Variants in NFATC2IP observed in about 807,000 individuals in gnomAD.
The protein encoded by NFATC2IP is NFATC2-interacting protein.
NFATC2IP carries 25 observed loss-of-function variants against 40.2 expected under a neutral mutation model. The observed-to-expected ratio is 0.62, with a 90% CI of 0.45 to 0.87. NFATC2IP has a LOEUF of 0.87. NFATC2IP is among the 40% of genes least tolerant of loss of function. The pLI is 0.00. For missense variants in NFATC2IP, 553 were observed against 555.6 expected, an observed-to-expected ratio of 1.00 and a Z score of 0.05; for synonymous variants, 241 against 236.3, an observed-to-expected ratio of 1.02 and a Z score of -0.18.
In NFATC2IP at chr16:28,965,520, C is replaced by T. The variant is rs2141651373; in HGVS notation, c.*1657C>T. 6.6e-6 allele frequency: 1 copy of T among 152,258 alleles called. No individual in the cohort carries two copies. The highest frequency in any genetic ancestry group is 6.6e-5 in the Admixed American group (1 of 15,258). 9.4% of individuals were successfully genotyped at this position (152,258 alleles called of 1,614,324 possible). A position where few individuals can be genotyped will look rare whatever the true frequency, so the allele number is the denominator to read the frequency against. Reference sequence around the variant, plus strand: ...CCCTCCTGGCCAACATGGTGAAACCCCGTCTCTACTAAAATACAAAAAATT... The same window carrying T: ...CCCTCCTGGCCAACATGGTGAAACCTCGTCTCTACTAAAATACAAAAAATT... On this transcript the variant is annotated 3_prime_UTR_variant, in exon 8 of 8. Transcript: ENST00000320805.
intron 7 of NFATC2IP, 55 bp from the exon 8 acceptor site, chr16:28,963,650 G>A (rs999701523): frequency 3.9e-6 from 6 of 1,546,296 alleles, no homozygotes; most frequent in African/African-American, 2.7e-5. Context: ...CTATCCCTAC[G>A]GGATCCCCGC....
chr16:28,961,899 CAAAA>C (rs1161300546), intron 7 of NFATC2IP, among the ~76,000 whole-genome samples: 762 of 49,110 alleles, frequency 0.016, 10 homozygotes, highest in African/African-American at 0.039. Flanking sequence ...GACTTCGTCT[CAAAA>C]AAAAAAAAAA....
intron 3 of NFATC2IP, among the ~76,000 whole-genome samples, chr16:28,955,116 C>T (rs1363503321): frequency 6.6e-6 from 1 of 152,084 alleles, no homozygotes; most frequent in East Asian, 1.9e-4. Flanking sequence ...ATCGCTTGAT[C>T]CCAGGAGTTA....
chr16:28,963,636 TC>T, intron 7 of NFATC2IP, 68 bp from the exon 8 acceptor site: 1 of 1,424,962 alleles, frequency 7.0e-7, no homozygotes, highest in Non-Finnish European at 9.8e-7. Context: ...CCCAAGTTCC[TC>T]GTCTATCCCT....
chr16:28,951,108 C>T lies in NFATC2IP; in HGVS notation c.97C>T (p.Arg33Trp), dbSNP rs7201257. The T allele has an allele frequency of 0.023, 34,954 of 1,543,596 alleles. 2,571 individuals carry two copies. Among genetic ancestry groups the T allele is most frequent in the South Asian group, 0.18 (14,913 of 83,534 alleles). ...CTGGGGCGGTCGGGGCCGGCGTCCT[C>T]GGGCCCAGCGGTCTCCATCCCGGGG... The part of the protein sequence containing the change: ...GGWGGRGRRP[R>W]AQRSPSRGTL... Residue 33 changes from arginine (R) to tryptophan (W), a missense_variant, in exon 1 of 8, where the codon CGG (arginine) becomes TGG (tryptophan). Arg to Trp is a moderately radical substitution (Grantham distance 101, BLOSUM62 -3). Coordinates refer to ENST00000320805, the MANE Select transcript of NFATC2IP (RefSeq NM_032815.4).
Position 28,964,133 on chromosome 16 carries a change from T to C in NFATC2IP, c.*270T>C. Reference sequence around the variant, plus strand: ...AGCCTCTGTGACTTGGAGATGTCCCTTCACCCCTCCCCTTTCACCACCATC... The same window carrying C: ...AGCCTCTGTGACTTGGAGATGTCCCCTCACCCCTCCCCTTTCACCACCATC... On this transcript the variant is annotated 3_prime_UTR_variant, in exon 8 of 8. Coordinates refer to ENST00000320805, the MANE Select transcript of NFATC2IP (RefSeq NM_032815.4). 2.3e-6 allele frequency: 1 copy of C among 426,694 alleles called. No homozygotes were observed. The highest frequency in any genetic ancestry group is 4.3e-6 in the Non-Finnish European group (1 of 232,470). The allele number at this position is 426,694 out of a possible 1,614,324, so 26.4% of individuals were successfully genotyped here. A position where few individuals can be genotyped will look rare whatever the true frequency, so the allele number is the denominator to read the frequency against.
rs1964965249 is a variant in NFATC2IP at position 28,951,404 on chromosome 16, C to T, written c.387+6C>T. ...TTCCGGTGTACTCGGGGAAGGTGCG[C>T]CCGGTCCCGGGGAGGGGACCGGCGG... On this transcript the variant is annotated splice_donor_region_variant and intron_variant, in intron 1 of 7. Coordinates refer to ENST00000320805, the MANE Select transcript of NFATC2IP (RefSeq NM_032815.4). 4.3e-6 allele frequency: 6 copies of T among 1,387,090 alleles called. No individual in the cohort carries two copies. The Middle Eastern group carries it at 1.3e-3, about 307-fold the overall frequency. The allele number at this position is 1,387,090 out of a possible 1,614,324, so 85.9% of individuals were successfully genotyped here. A position where few individuals can be genotyped will look rare whatever the true frequency, so the allele number is the denominator to read the frequency against.
chr16:28,954,741 G>T, intron 3 of NFATC2IP, 59 bp downstream of exon 3: 1 of 1,055,224 alleles, frequency 9.5e-7, no homozygotes, highest in Admixed American at 1.9e-5. Flanking sequence ...AGGGGTAAGC[G>T]GAGGCAGGCA....
intron 5 of NFATC2IP, among the ~76,000 whole-genome samples, chr16:28,958,237 T>C (rs1280717818): frequency 6.6e-6 from 1 of 151,714 alleles, no homozygotes; most frequent in Non-Finnish European, 1.5e-5. Flanking sequence ...ATCACCCGAA[T>C]TCAAGAGTTC....
chr16:28,951,770 G>A (rs1053294611), intron 1 of NFATC2IP, among the ~76,000 whole-genome samples: 1 of 152,142 alleles, frequency 6.6e-6, no homozygotes, highest in East Asian at 1.9e-4. Flanking sequence ...TTGGGGGTTG[G>A]GGTCCATGCG....
chr16:28,952,084 T>C (rs1964972339), intron 1 of NFATC2IP, 48 bp from the exon 2 acceptor site: 1 of 1,608,842 alleles, frequency 6.2e-7, no homozygotes, highest in Non-Finnish European at 8.5e-7. Flanking sequence ...TTTCTTTCGG[T>C]AGGGGAAGGA....
chr16:28,960,177 A>G (rs1398134341), intron 7 of NFATC2IP, among the ~76,000 whole-genome samples: 1 of 152,162 alleles, frequency 6.6e-6, no homozygotes, highest in African/African-American at 2.4e-5. Flanking sequence ...ATGTTGGGCT[A>G]GCCCCACTCT....
At chr16:28,952,045 G>A (rs1012717052) in intron 1 of NFATC2IP, 87 bp from the exon 2 acceptor site, 4 of 1,572,724 alleles carry the variant, frequency 2.5e-6, no homozygotes, top group Non-Finnish European at 3.5e-6. Context: ...TTTGGGAGCT[G>A]GGTGTCAGGG....
rs909722328 is a variant in NFATC2IP, at chr16:28,965,721, A to C, written c.*1858A>C. 2.0e-5 allele frequency: 3 copies of C among 151,962 alleles called. No individual in the cohort carries two copies. The highest frequency in any genetic ancestry group is 7.3e-5 in the African/African-American group (3 of 41,338). The allele number at this position is 151,962 out of a possible 1,614,324, so 9.4% of individuals were successfully genotyped here. A position where few individuals can be genotyped will look rare whatever the true frequency, so the allele number is the denominator to read the frequency against. On this transcript the variant is annotated 3_prime_UTR_variant, in exon 8 of 8. Coordinates refer to ENST00000320805, the MANE Select transcript of NFATC2IP (RefSeq NM_032815.4). ...AAAGATTTAAAGGGGAAAAAATTGA[A>C]ATTTTCTTTGTATCTAGGGGTATCC...
Position 28,954,559 on chromosome 16 carries a change from C to T in NFATC2IP, c.461-6C>T. ...CCCCTTCTACCTTCTCTTCCTCTGC[C>T]CCCAGAGGCAGAGCTGGCAGATTCG... is the stretch of plus-strand genomic sequence containing the variant. On this transcript the variant is annotated splice_polypyrimidine_tract_variant and splice_region_variant and intron_variant, in intron 2 of 7. Coordinates refer to ENST00000320805, the MANE Select transcript of NFATC2IP (RefSeq NM_032815.4). The T allele has an allele frequency of 6.3e-7, 1 of 1,597,242 alleles. No individual in the cohort carries two copies. The highest frequency in any genetic ancestry group is 8.6e-7 in the Non-Finnish European group (1 of 1,165,388).
chr16:28,952,811 C>G (rs538407493), intron 2 of NFATC2IP, among the ~76,000 whole-genome samples: 3 of 151,102 alleles, frequency 2.0e-5, no homozygotes, highest in African/African-American at 7.3e-5. Context: ...GGCACGATCT[C>G]GGCTCGCTGC....
In NFATC2IP at chr16:28,959,031, G is replaced by T. The variant is rs780766269; in HGVS notation, c.1032G>T (p.Thr344=). The part of the protein sequence containing the change: ...VLTSSPEATE[T]SQQLQLRVQG... ...CAAGTTCTCCAGAGGCCACAGAGAC[G>T]TCCCAACAGCTCCAGCTCCGGGTGC... The change falls in exon 7 of 8, where the codon ACG becomes ACT. Residue 344 remains threonine, a synonymous_variant. Coordinates refer to ENST00000320805, the MANE Select transcript of NFATC2IP (RefSeq NM_032815.4). 1 of 1,613,912 alleles carries T rather than the reference G, an allele frequency of 6.2e-7. No individual in the cohort carries two copies. Among genetic ancestry groups the T allele is most frequent in the African/African-American group, 1.3e-5 (1 of 74,922 alleles).
At chr16:28,957,832 A>G (rs1195783125) in intron 5 of NFATC2IP, 1 of 152,016 alleles carries the variant, frequency 6.6e-6, no homozygotes, top group Non-Finnish European at 1.5e-5. Flanking sequence ...GTGATTTCAT[A>G]CAAAGGTCCA....
At chr16:28,959,794 C>A (rs964672843) in intron 7 of NFATC2IP, among the ~76,000 whole-genome samples, 1 of 152,106 alleles carries the variant, frequency 6.6e-6, no homozygotes, top group Non-Finnish European at 1.5e-5. Flanking sequence ...TCTCAAACTC[C>A]TGACCTCAAG....
Sources: gnomAD v4.1 joint callset for allele counts (sites outside exome capture counted in the v4.1 genomes callset) on GRCh38, gnomAD v4.1.1 for gene constraint, MANE v1.5 for transcripts, NCBI Gene and HGNC (gene_info 2026-07-23, HGNC 2026-07-21) for gene names.